The following FOXN3 variants were observed in gnomAD, a reference collection of about 807,000 sequenced individuals.
The protein encoded by FOXN3 is forkhead box N3.
Under a neutral mutation model 38.4 loss-of-function variants are expected in FOXN3, and 7 were observed. That is an observed-to-expected ratio of 0.18 (90% CI 0.10 to 0.34). FOXN3 has a LOEUF of 0.34. FOXN3 is among the 10% of genes least tolerant of loss of function. The probability of loss-of-function intolerance (pLI) is 1.00; values close to 1 mark genes in which losing one functional copy is unlikely to be tolerated. For missense variants in FOXN3, 456 were observed against 613.4 expected (o/e 0.74, Z 2.71); for synonymous variants, 230 against 242.2 (o/e 0.95, Z 0.47).
intron 3 of FOXN3, among the ~76,000 whole-genome samples, chr14:89,302,618 C>G (rs1289040300): frequency 2.0e-5 from 3 of 152,194 alleles, no homozygotes; most frequent in Admixed American, 2.0e-4. Context: ...TGCAAGTCCC[C>G]TGAGCACACA....
chr14:89,314,380 T>C (rs1887662601), intron 3 of FOXN3, among the ~76,000 whole-genome samples: 1 of 152,138 alleles, frequency 6.6e-6, no homozygotes, highest in South Asian at 2.1e-4. Flanking sequence ...TCTTTGGCAG[T>C]GAGTGTTTAC....
intron 3 of FOXN3, among the ~76,000 whole-genome samples, chr14:89,321,152 A>C (rs995077328): frequency 1.3e-5 from 2 of 152,070 alleles, no homozygotes; most frequent in South Asian, 2.1e-4. Context: ...TTAGCTGGGC[A>C]TGGTGGTGTG....
chr14:89,169,602 A>T (rs1397115688), intron 5 of FOXN3, among the ~76,000 whole-genome samples: 1 of 152,176 alleles, frequency 6.6e-6, no homozygotes, highest in Admixed American at 6.5e-5. Flanking sequence ...GAAATGTAGC[A>T]TATCAATTGG....
intron 1 of FOXN3, among the ~76,000 whole-genome samples, chr14:89,554,367 G>A (rs1006334748): frequency 6.6e-6 from 1 of 152,064 alleles, no homozygotes; most frequent in East Asian, 1.9e-4. Context: ...GAACTCCTGA[G>A]CTCAAGCAAT....
intron 3 of FOXN3, among the ~76,000 whole-genome samples, chr14:89,311,598 G>A (rs1272187363): frequency 1.3e-5 from 2 of 151,770 alleles, no homozygotes; most frequent in Admixed American, 1.3e-4. Flanking sequence ...AGGCCAAGGT[G>A]GGCGGATCAC....
intron 1 of FOXN3, among the ~76,000 whole-genome samples, chr14:89,611,533 G>T (rs780253693): frequency 2.0e-5 from 3 of 152,182 alleles, no homozygotes; most frequent in African/African-American, 4.8e-5. Context: ...GAGGCCGGGC[G>T]CGGTGGCTCA....
intron 4 of FOXN3, among the ~76,000 whole-genome samples, chr14:89,219,521 T>C (rs1225570894): frequency 6.6e-6 from 1 of 152,222 alleles, no homozygotes; most frequent in Non-Finnish European, 1.5e-5. Flanking sequence ...GAAAGGGCCT[T>C]GTCTTTCCTT....
At chr14:89,587,426 A>C (rs532786075) in intron 1 of FOXN3, among the ~76,000 whole-genome samples, 1 of 152,374 alleles carries the variant, frequency 6.6e-6, no homozygotes, top group Non-Finnish European at 1.5e-5. Flanking sequence ...AGGCAGACAA[A>C]GAAACTGAGC....
At chr14:89,211,838 T>G (rs996669591) in intron 4 of FOXN3, among the ~76,000 whole-genome samples, 3 of 152,246 alleles carry the variant, frequency 2.0e-5, no homozygotes, top group Admixed American at 2.0e-4. Flanking sequence ...AGATGTGTTC[T>G]GCTAGGGACT....
Position 89,613,116 on chromosome 14 carries a change from CAAAAAAA to C in FOXN3, c.-15+5905_-15+5911del, listed in dbSNP as rs10581958. Among the ~76,000 whole-genome samples, 622 of 74,586 alleles carry C rather than the reference CAAAAAAA, an allele frequency of 8.3e-3. 10 individuals carry two copies. The highest frequency in any genetic ancestry group is 0.039 in the African/African-American group (592 of 15,020). The allele number at this position is 74,586 out of a possible 152,430, so 48.9% of individuals were successfully genotyped here. A position where few individuals can be genotyped will look rare whatever the true frequency, so the allele number is the denominator to read the frequency against. The stretch of plus-strand genomic sequence containing the variant: ...TGGGCGACAGAGCAAGACTCTGTCT[CAAAAAAA>C]AAAAAAAAAAAAAAAAAACTCTTAC... On this transcript the variant is annotated intron_variant, in intron 1 of 6. Coordinates refer to the FOXN3 transcript ENST00000345097.
At chr14:89,214,744 T>C (rs1365897360) in intron 4 of FOXN3, among the ~76,000 whole-genome samples, 1 of 152,190 alleles carries the variant, frequency 6.6e-6, no homozygotes, top group Non-Finnish European at 1.5e-5. Flanking sequence ...TGTCAGACTG[T>C]TTTTTTCTCA....
intron 4 of FOXN3, among the ~76,000 whole-genome samples, chr14:89,226,221 GAGGTAGAGAGAGAGAA>G (rs1482083370): frequency 6.6e-6 from 1 of 151,418 alleles, no homozygotes; most frequent in East Asian, 1.9e-4. Flanking sequence ...AGGAGAGGGA[GAGGTAGAGAGAGAGAA>G]AGGTAGAGAG....
chr14:89,275,976 T>G (rs1026227934), intron 4 of FOXN3, among the ~76,000 whole-genome samples: 1 of 152,128 alleles, frequency 6.6e-6, no homozygotes, highest in African/African-American at 2.4e-5. Flanking sequence ...CCAGTGTGAG[T>G]TGTCAGAAGT....
intron 4 of FOXN3, among the ~76,000 whole-genome samples, chr14:89,207,168 C>A (rs1056844901): frequency 1.4e-4 from 21 of 152,132 alleles, no homozygotes; most frequent in Non-Finnish European, 2.2e-4. Context: ...TTGCAGTGAG[C>A]CGAGACGCAC....
At chr14:89,478,840 G>A (rs765843204) in intron 1 of FOXN3, among the ~76,000 whole-genome samples, 4 of 140,986 alleles carry the variant, frequency 2.8e-5, no homozygotes, top group East Asian at 2.2e-4. Flanking sequence ...GCTGAGGCAC[G>A]AGAATCGCTT....
chr14:89,230,464 G>A (rs1283418362), intron 4 of FOXN3, among the ~76,000 whole-genome samples: 1 of 152,184 alleles, frequency 6.6e-6, no homozygotes, highest in South Asian at 2.1e-4. Context: ...TCTCTGTGGG[G>A]ATCATTTTCT....
At chr14:89,267,067 C>G (rs1454610294) in intron 4 of FOXN3, among the ~76,000 whole-genome samples, 3 of 151,908 alleles carry the variant, frequency 2.0e-5, no homozygotes, top group Non-Finnish European at 2.9e-5. Context: ...AGGTAGTTTA[C>G]CTTCTTCCCT....
chr14:89,257,116 G>A (rs1443820765), intron 4 of FOXN3, among the ~76,000 whole-genome samples: 1 of 152,128 alleles, frequency 6.6e-6, no homozygotes, highest in Non-Finnish European at 1.5e-5. Context: ...AGTCCCCCAG[G>A]GCTAGGGCAG....
At chr14:89,355,638 T>C (rs1025140918) in intron 2 of FOXN3, among the ~76,000 whole-genome samples, 2 of 152,252 alleles carry the variant, frequency 1.3e-5, no homozygotes, top group African/African-American at 4.8e-5. Context: ...TGGAACAGAA[T>C]GTAACAAACT....
Sources: gnomAD v4.1 joint callset for allele counts (sites outside exome capture counted in the v4.1 genomes callset) on GRCh38, gnomAD v4.1.1 for gene constraint, MANE v1.5 for transcripts, NCBI Gene and HGNC (gene_info 2026-07-23, HGNC 2026-07-21) for gene names.